The following ENTPD5 variants were observed in gnomAD, a reference collection of about 807,000 sequenced individuals.
ENTPD5 encodes nucleoside diphosphate phosphatase ENTPD5.
A neutral mutation model predicts 60.2 loss-of-function variants in ENTPD5; 49 were observed. The observed-to-expected ratio is 0.81, with a 90% CI of 0.65 to 1.03. The LOEUF is 1.03. Among genes scored for constraint, ENTPD5 ranks in the 50% least tolerant of loss-of-function variants. ENTPD5 has a pLI of 0.00. For synonymous variants in ENTPD5, 187 were observed against 185.4 expected (o/e 1.01, Z -0.07); for missense variants, 480 against 507.6 (o/e 0.95, Z 0.52).
chr14:73,995,725 A>T (rs955180506), intron 3 of ENTPD5, among the ~76,000 whole-genome samples: 1 of 151,960 alleles, frequency 6.6e-6, no homozygotes, highest in South Asian at 2.1e-4. Context: ...CATTTATCCA[A>T]ATGTGTCAAG....
chr14:74,017,174 C>T (rs1231763548), intron 1 of ENTPD5, among the ~76,000 whole-genome samples: 2 of 152,138 alleles, frequency 1.3e-5, no homozygotes, highest in Admixed American at 1.3e-4. Context: ...CAAAAGTAGC[C>T]GGGCATGGTG....
chr14:73,991,947 T>TGA (rs58015218), intron 3 of ENTPD5, among the ~76,000 whole-genome samples: 1 of 151,560 alleles, frequency 6.6e-6, no homozygotes, highest in African/African-American at 2.4e-5. Flanking sequence ...TGCAGTGAGC[T>TGA]GAGATTGCAC....
chr14:73,987,146 C>A, intron 4 of ENTPD5: 1 of 702,096 alleles, frequency 1.4e-6, no homozygotes, highest in Non-Finnish European at 2.6e-6. Context: ...CATAAGTGAC[C>A]TGAGGAAAAA....
At chr14:74,014,945 G>A (rs2058969662) in intron 2 of ENTPD5, among the ~76,000 whole-genome samples, 1 of 152,074 alleles carries the variant, frequency 6.6e-6, no homozygotes, top group South Asian at 2.1e-4. Context: ...AGCCGGGCAT[G>A]GTGGCAGGCA....
At chr14:73,981,977 T>C (rs1168494782) in intron 6 of ENTPD5, among the ~76,000 whole-genome samples, 1 of 152,222 alleles carries the variant, frequency 6.6e-6, no homozygotes, top group East Asian at 1.9e-4. Flanking sequence ...AGTGATTGGT[T>C]GGTTTCAGGG....
chr14:73,985,950 T>TAGTC (rs2057884566), intron 5 of ENTPD5, among the ~76,000 whole-genome samples: 1 of 151,486 alleles, frequency 6.6e-6, no homozygotes, highest in East Asian at 2.0e-4. Flanking sequence ...CACATGCCTG[T>TAGTC]AGTCCCAGCT....
downstream of ENTPD5, chr14:73,957,979 C>CT (rs772532297): frequency 3.0e-6 from 2 of 662,450 alleles, no homozygotes; most frequent in Non-Finnish European, 5.4e-6. Context: ...ATCTCTGTGG[C>CT]TTCTGTCATT....
intron 4 of ENTPD5, 117 bp from the exon 5 acceptor site, chr14:73,987,010 A>G (rs1422078599): frequency 1.3e-5 from 10 of 774,002 alleles, no homozygotes; most frequent in East Asian, 5.2e-5. Flanking sequence ...GTTATCCCAA[A>G]TGATCCTAGT....
intron 3 of ENTPD5, among the ~76,000 whole-genome samples, chr14:73,997,456 AG>A (rs1443487441): frequency 6.6e-6 from 1 of 152,162 alleles, no homozygotes; most frequent in African/African-American, 2.4e-5. Flanking sequence ...GAAATGTAAA[AG>A]CTCCCACTGA....
In ENTPD5 at chr14:73,966,648, AT is replaced by A; in HGVS notation, c.*279del. On this transcript the variant is annotated 3_prime_UTR_variant, in exon 16 of 16. Coordinates refer to ENST00000334696, the MANE Select transcript of ENTPD5 (RefSeq NM_001249.5). Reference sequence around the variant, plus strand: ...GAGGCACTCAAAGGGTTGAAATGCGATTTTTCTTTGGTTTCCAGGGACCTGT... The same window carrying A: ...GAGGCACTCAAAGGGTTGAAATGCGATTTTCTTTGGTTTCCAGGGACCTGT... The A allele has an allele frequency of 3.0e-6, 1 of 337,682 alleles. No individual in the cohort carries two copies. Among genetic ancestry groups the A allele is most frequent in the Admixed American group, 4.5e-5 (1 of 22,134 alleles). 20.9% of individuals were successfully genotyped at this position (337,682 alleles called of 1,614,324 possible).
At chr14:73,959,115 T>C (rs780172595), downstream of ENTPD5, 10 of 1,614,048 alleles carry the variant, frequency 6.2e-6, no homozygotes, top group East Asian at 1.1e-4. Context: ...ACTTTATTCA[T>C]AGGCACTAGG....
intron 2 of ENTPD5, among the ~76,000 whole-genome samples, chr14:74,015,534 G>A (rs552425027): frequency 4.7e-4 from 72 of 151,756 alleles, no homozygotes; most frequent in African/African-American, 1.7e-3. Context: ...TGTATTTTTT[G>A]TAAAGACAGG....
At chr14:73,995,585 AAAT>A (rs34846091) in intron 3 of ENTPD5, among the ~76,000 whole-genome samples, 39,814 of 144,024 alleles carry the variant, frequency 0.28, 6,140 homozygotes, top group East Asian at 0.59. Context: ...ACTCTATCTC[AAAT>A]AATAATAATA....
In ENTPD5 at chr14:73,972,908, G is replaced by T. The variant is rs1277183706; in HGVS notation, c.1003C>A (p.Arg335=). Residue 335 remains arginine (R), a synonymous_variant, in exon 13 of 16, where the codon CGA becomes AGA. Coordinates refer to ENST00000334696, the MANE Select transcript of ENTPD5 (RefSeq NM_001249.5). The stretch of plus-strand genomic sequence containing the variant: ...CCAATCATGTCTGTGTCAACAGCTC[G>T]GTCATAATAGTAAGAGAAAGCATAG... ...SFYAFSYYYD[R]AVDTDMIDYE... 1 of 1,614,026 alleles carries T rather than the reference G, an allele frequency of 6.2e-7. No homozygotes were observed. Among genetic ancestry groups the T allele is most frequent in the East Asian group, 2.2e-5 (1 of 44,896 alleles).
intron 3 of ENTPD5, among the ~76,000 whole-genome samples, chr14:73,988,561 TA>T (rs2058002077): frequency 6.6e-6 from 1 of 152,198 alleles, no homozygotes; most frequent in South Asian, 2.1e-4. Context: ...AAATACACAA[TA>T]AAATATTGTT....
downstream of ENTPD5, chr14:73,959,236 T>G (rs2056588961): frequency 6.2e-7 from 1 of 1,614,144 alleles, no homozygotes. Context: ...TAAGAGGTCC[T>G]TCTGACCAGT....
At chr14:73,971,943 C>T (rs375138051) in intron 13 of ENTPD5, 35 bp from the exon 14 acceptor site, 156 of 1,296,586 alleles carry the variant, frequency 1.2e-4, no homozygotes, top group Middle Eastern at 3.6e-4. Context: ...GATATCAAAA[C>T]GCCTTCAAGG....
downstream of ENTPD5, chr14:73,960,488 C>T: frequency 5.0e-6 from 5 of 994,940 alleles, no homozygotes; most frequent in Non-Finnish European, 6.0e-6. Context: ...ATAAAGGGAA[C>T]TGAACATACT....
chr14:74,003,610 C>CCT (rs1449795718), intron 3 of ENTPD5: 1 of 522,286 alleles, frequency 1.9e-6, no homozygotes, highest in African/African-American at 1.9e-5. Context: ...ACTTCACCGC[C>CCT]CTCTGATCGC....
Sources: allele counts gnomAD v4.1 joint callset (sites outside exome capture counted in the v4.1 genomes callset), GRCh38; gene constraint gnomAD v4.1.1; transcripts MANE v1.5; gene names NCBI Gene and HGNC (gene_info 2026-07-23, HGNC 2026-07-21).